Variants in ASH2L observed in about 807,000 individuals in gnomAD.
ASH2L encodes the protein set1/Ash2 histone methyltransferase complex subunit ASH2.
A neutral mutation model predicts 81.1 loss-of-function variants in ASH2L; 30 were observed. That is an observed-to-expected ratio of 0.37 (90% CI 0.28 to 0.50). The LOEUF (loss-of-function observed/expected upper bound fraction) is 0.50, where lower values mean the gene tolerates loss of function less well. ASH2L is among the 20% of genes least tolerant of loss of function. ASH2L has a pLI of 0.95. For missense variants in ASH2L, 559 were observed against 792.1 expected, an observed-to-expected ratio of 0.71 and a Z score of 3.53; for synonymous variants, 273 against 279.9, an observed-to-expected ratio of 0.98 and a Z score of 0.24.
chr8:38,132,337 G>A (rs1297448786), intron 12 of ASH2L, among the ~76,000 whole-genome samples: 4 of 152,138 alleles, frequency 2.6e-5, no homozygotes, highest in African/African-American at 9.7e-5. Context: ...ACATATATAT[G>A]TTAAGAAATT....
intron 10 of ASH2L, among the ~76,000 whole-genome samples, chr8:38,123,738 C>T (rs1022656276): frequency 1.3e-5 from 2 of 152,166 alleles, no homozygotes; most frequent in Non-Finnish European, 2.9e-5. Flanking sequence ...CTCTTTTTTC[C>T]ACCATCTTCC....
Position 38,128,789 on chromosome 8 carries a change from A to G in ASH2L, c.1365A>G (p.Lys455=). 2 of 1,613,954 alleles carry G rather than the reference A, an allele frequency of 1.2e-6. No individual in the cohort carries two copies. The highest frequency in any genetic ancestry group is 1.7e-6 in the Non-Finnish European group (2 of 1,179,986). The change falls in exon 12 of 16, where the codon AAA becomes AAG. Residue 455 remains lysine, a synonymous_variant. Transcript: ENST00000343823. ...GNLQAPLGYD[K]FSYSWRSKKG... ...TTCAAGCTCCTTTAGGTTATGATAA[A>G]TTTAGCTATTCTTGGCGGAGCAAAA...
chr8:38,116,372 AAAT>A (rs1038109841), intron 7 of ASH2L, among the ~76,000 whole-genome samples: 1 of 152,004 alleles, frequency 6.6e-6, no homozygotes, highest in African/African-American at 2.4e-5. Context: ...CTCAAAAAAA[AAAT>A]AATAATAATT....
intron 11 of ASH2L, 136 bp downstream of exon 11, chr8:38,128,594 G>A: frequency 6.9e-7 from 1 of 1,451,356 alleles, no homozygotes; most frequent in Non-Finnish European, 9.2e-7. Context: ...GAGCTGGTTT[G>A]CTATTCCCGG....
intron 7 of ASH2L, among the ~76,000 whole-genome samples, chr8:38,116,370 A>C (rs889444366): frequency 6.6e-6 from 1 of 152,048 alleles, no homozygotes; most frequent in Non-Finnish European, 1.5e-5. Context: ...CTCTCAAAAA[A>C]AAAATAATAA....
At chr8:38,114,762 G>A in intron 6 of ASH2L, 143 bp from the exon 7 acceptor site, 2 of 607,186 alleles carry the variant, frequency 3.3e-6, no homozygotes, top group South Asian at 4.6e-5. Flanking sequence ...GATGGTCACT[G>A]ATTATTTCTT....
chr8:38,108,940 G>A lies in ASH2L; in HGVS notation c.402-1439G>A, dbSNP rs932396288. 4.6e-5 allele frequency among the ~76,000 whole-genome samples: 7 copies of A among 152,102 alleles called. No individual in the cohort carries two copies. The East Asian group carries it at 1.3e-3, about 29-fold the overall frequency. ...ACGAGAAATAGAAAAAAATTAGCTG[G>A]GCGTGGTGGTTCACATCTGTAGTAC... is the stretch of plus-strand genomic sequence containing the variant. On this transcript the variant is annotated intron_variant, in intron 3 of 15. Coordinates refer to ENST00000343823, the MANE Select transcript of ASH2L (RefSeq NM_004674.5).
At chr8:38,133,645 T>G (rs1055061726) in intron 13 of ASH2L, 99 bp downstream of exon 13, 1 of 944,446 alleles carries the variant, frequency 1.1e-6, no homozygotes, top group African/African-American at 1.7e-5. Flanking sequence ...CAAAGGGGAA[T>G]GAAGGGGCAT....
rs1419692564 is a variant in ASH2L at position 38,116,646 on chromosome 8, G to T, written c.778-4G>T. ...TCCTTTTTTAATTGGATGTATTTTT[G>T]CAGGACCTTAGTAACATTGGTCCTG... On this transcript the variant is annotated splice_polypyrimidine_tract_variant and splice_region_variant and intron_variant, in intron 7 of 15. Transcript: ENST00000343823. The T allele has an allele frequency of 5.0e-6, 8 of 1,607,474 alleles. No homozygotes were observed. Among genetic ancestry groups the T allele is most frequent in the Middle Eastern group, 1.7e-4 (1 of 6,050 alleles).
chr8:38,105,786 C>T (rs1292526803), intron 1 of ASH2L, 48 bp downstream of exon 1: 11 of 1,495,696 alleles, frequency 7.4e-6, no homozygotes, highest in East Asian at 7.2e-5. Flanking sequence ...AGGCCCGCCC[C>T]TCGCGAATCC....
At chr8:38,135,521 G>A (rs546396854) in intron 13 of ASH2L, 147 bp from the exon 14 acceptor site, 1 of 545,546 alleles carries the variant, frequency 1.8e-6, no homozygotes, top group African/African-American at 1.9e-5. Flanking sequence ...AAAAATTGAA[G>A]ATGTTGTTAT....
In ASH2L at chr8:38,116,483, A is replaced by C. The variant is rs572034485; in HGVS notation, c.778-167A>C. ...GGAAGGCAGAAGTTGCAGTAAGCCG[A>C]GATCGCGCCACTGTACTACAGACTG... is the stretch of plus-strand genomic sequence containing the variant. On this transcript the variant is annotated intron_variant, in intron 7 of 15. Transcript: ENST00000343823. Among the ~76,000 whole-genome samples, 5 of 152,332 alleles carry C rather than the reference A, an allele frequency of 3.3e-5. No individual in the cohort carries two copies. In the South Asian group the frequency reaches 1.0e-3, roughly 32 times the overall value.
intron 5 of ASH2L, among the ~76,000 whole-genome samples, chr8:38,112,888 C>T (rs915341392): frequency 1.3e-5 from 2 of 151,958 alleles, no homozygotes; most frequent in African/African-American, 4.8e-5. Context: ...ATAACTTTCC[C>T]TCATTCTTTT....
chr8:38,105,817 C>G, intron 1 of ASH2L, 79 bp downstream of exon 1: 1 of 1,469,250 alleles, frequency 6.8e-7, no homozygotes, highest in South Asian at 1.4e-5. Context: ...GGAGCCCTGC[C>G]GCCCGCCCCC....
In ASH2L at chr8:38,135,022, C is replaced by G. The variant is rs185871720; in HGVS notation, c.1621-646C>G. Among the ~76,000 whole-genome samples, 35 of 151,656 alleles carry G rather than the reference C, an allele frequency of 2.3e-4. 1 individual carries two copies. In the South Asian group the frequency reaches 3.1e-3, roughly 14 times the overall value. On this transcript the variant is annotated intron_variant, in intron 13 of 15. Coordinates refer to ENST00000343823, the MANE Select transcript of ASH2L (RefSeq NM_004674.5). ...CAAGCACGCTTAAACAGGTGTGGTC[C>G]CAAGGAGTCCATGGAAGGCCAGCTT...
intron 8 of ASH2L, chr8:38,119,036 A>G (rs182508395): frequency 1.7e-5 from 7 of 415,728 alleles, no homozygotes; most frequent in Non-Finnish European, 3.0e-5. Context: ...CTGTAACCCA[A>G]CCATCATAGT....
intron 3 of ASH2L, among the ~76,000 whole-genome samples, chr8:38,108,739 C>T (rs988025080): frequency 7.9e-5 from 12 of 151,744 alleles, no homozygotes; most frequent in African/African-American, 2.7e-4. Flanking sequence ...CACTTGAACC[C>T]GGGAAGCAGA....
intron 5 of ASH2L, among the ~76,000 whole-genome samples, chr8:38,113,369 C>T (rs921762585): frequency 5.9e-5 from 9 of 152,252 alleles, no homozygotes; most frequent in African/African-American, 1.4e-4. Flanking sequence ...CTCCCCCATC[C>T]GTTTTTGAAC....
At position 38,128,267 on chromosome 8, in the gene ASH2L, T is replaced by C. The variant is rs779069753; in HGVS notation, c.1166-24T>C. ...AAGAACCTCAAATAAGTTGCAGGCCTTCTTTTAATCTCTGTCACCGCAGCT... is the reference window on the plus strand; with the variant it reads ...AAGAACCTCAAATAAGTTGCAGGCCCTCTTTTAATCTCTGTCACCGCAGCT... On this transcript the variant is annotated intron_variant, in intron 10 of 15. Transcript: ENST00000343823. 1.9e-5 allele frequency: 31 copies of C among 1,613,168 alleles called. No individual in the cohort carries two copies. In the Admixed American group the frequency reaches 4.4e-4, roughly 23 times the overall value.
Sources: allele counts gnomAD v4.1 joint callset (sites outside exome capture counted in the v4.1 genomes callset), GRCh38; gene constraint gnomAD v4.1.1; transcripts MANE v1.5; gene names NCBI Gene and HGNC (gene_info 2026-07-23, HGNC 2026-07-21).